Variants in FLT1 observed in about 807,000 individuals in gnomAD.
The protein encoded by FLT1 is fms related receptor tyrosine kinase 1.
FLT1 carries 49 observed loss-of-function variants against 156.3 expected under a neutral mutation model. The ratio of observed to expected loss-of-function variants is 0.31; its 90% CI spans 0.25 to 0.40. The LOEUF is 0.40. FLT1 is among the 10% of genes least tolerant of loss of function. The pLI is 1.00. For synonymous variants in FLT1, 594 were observed against 583.8 expected (o/e 1.02, Z -0.25); for missense variants, 1,322 against 1,637.2 (o/e 0.81, Z 3.32).
intron 25 of FLT1, among the ~76,000 whole-genome samples, chr13:28,312,854 C>G (rs990661242): frequency 6.6e-6 from 1 of 152,206 alleles, no homozygotes; most frequent in Non-Finnish European, 1.5e-5. Context: ...ACAGGTTGGG[C>G]TCCTGGATAA....
chr13:28,360,330 A>C (rs933168326), intron 14 of FLT1, among the ~76,000 whole-genome samples: 1 of 152,194 alleles, frequency 6.6e-6, no homozygotes, highest in Non-Finnish European at 1.5e-5. Flanking sequence ...CAATCCCACT[A>C]CTGGGTATCT....
At chr13:28,492,846 C>T (rs945782776) in intron 1 of FLT1, among the ~76,000 whole-genome samples, 21 of 151,986 alleles carry the variant, frequency 1.4e-4, no homozygotes, top group South Asian at 4.1e-4. Flanking sequence ...CCCATGATGC[C>T]GACTGAGCTA....
At chr13:28,413,200 T>C (rs1485144211) in intron 10 of FLT1, among the ~76,000 whole-genome samples, 1 of 152,078 alleles carries the variant, frequency 6.6e-6, no homozygotes, top group African/African-American at 2.4e-5. Flanking sequence ...CCACCTCTGT[T>C]TAGATAAGAG....
intron 10 of FLT1, among the ~76,000 whole-genome samples, chr13:28,412,307 C>CTCTTTCTTTCTTTCTTTT (rs1876255784): frequency 3.7e-5 from 2 of 53,564 alleles, no homozygotes; most frequent in South Asian, 8.6e-4. Context: ...TTTTCTCTTT[C>CTCTTTCTTTCTTTCTTTT]TCTTTCTTTC....
chr13:28,375,150 C>A (rs193301863), intron 14 of FLT1, among the ~76,000 whole-genome samples: 2 of 152,296 alleles, frequency 1.3e-5, no homozygotes, highest in Admixed American at 6.5e-5. Context: ...CATGTAGGTG[C>A]AAGACCTAAA....
chr13:28,306,785 G>T lies in FLT1; in HGVS notation c.3721-13C>A, dbSNP rs376636030. ...CGCCCTGGTAGTCCTAGGGGGAGAA[G>T]GAGAAAGGTTATACTCTTGCCTGGC... On this transcript the variant is annotated splice_polypyrimidine_tract_variant and intron_variant, in intron 28 of 29. Coordinates refer to ENST00000282397, the MANE Select transcript of FLT1 (RefSeq NM_002019.4). The T allele has an allele frequency of 1.1e-5, 17 of 1,590,160 alleles. No individual in the cohort carries two copies. Among genetic ancestry groups the T allele is most frequent in the Non-Finnish European group, 1.5e-5 (17 of 1,158,614 alleles).
At chr13:28,489,300 G>A (rs752317562) in intron 1 of FLT1, among the ~76,000 whole-genome samples, 3 of 152,184 alleles carry the variant, frequency 2.0e-5, no homozygotes, top group African/African-American at 4.8e-5. Context: ...TTGCTTCTGC[G>A]AAATGATAGT....
intron 13 of FLT1, chr13:28,389,138 G>A (rs1476659178): frequency 5.8e-6 from 6 of 1,037,256 alleles, no homozygotes; most frequent in East Asian, 1.0e-4. Context: ...AGATAAATGT[G>A]CTTAACGTAA....
intron 14 of FLT1, chr13:28,368,589 A>T: frequency 6.7e-7 from 1 of 1,501,794 alleles, no homozygotes; most frequent in South Asian, 1.2e-5. Context: ...TATGATGATG[A>T]TGATGATGAC....
At chr13:28,409,213 G>GT (rs796210986) in intron 10 of FLT1, among the ~76,000 whole-genome samples, 22 of 152,284 alleles carry the variant, frequency 1.4e-4, no homozygotes, top group African/African-American at 5.1e-4. Flanking sequence ...TGATTTTCTT[G>GT]TAACAGTGAT....
intron 3 of FLT1, among the ~76,000 whole-genome samples, chr13:28,441,669 A>C (rs2137567716): frequency 1.3e-5 from 2 of 152,334 alleles, no homozygotes; most frequent in East Asian, 3.9e-4. Context: ...AGCCAGGTGC[A>C]GTGGCTCACA....
In FLT1 at chr13:28,427,227, T is replaced by C; in HGVS notation, c.1368A>G (p.Ala456=). Residue 456 remains alanine, a synonymous_variant, in exon 10 of 30, where the codon GCA becomes GCG. Coordinates refer to ENST00000282397, the MANE Select transcript of FLT1 (RefSeq NM_002019.4). ...TGATTGTAGGTTGAGGGATACCATA[T>C]GCGGTACAAGTCAGGATTTGTCTGC... ...LGSRQILTCT[A]YGIPQPTIKW... is the part of the protein sequence containing the mutation. 6.2e-7 allele frequency: 1 copy of C among 1,614,084 alleles called. No homozygotes were observed. The highest frequency in any genetic ancestry group is 8.5e-7 in the Non-Finnish European group (1 of 1,179,924).
At chr13:28,431,899 T>C (rs1300510812) in intron 6 of FLT1, among the ~76,000 whole-genome samples, 1 of 132,408 alleles carries the variant, frequency 7.6e-6, no homozygotes, top group Admixed American at 7.1e-5. Context: ...TAAGGTGGAA[T>C]AATGCTATAG....
chr13:28,359,036 G>T (rs1412084854), intron 14 of FLT1, among the ~76,000 whole-genome samples: 3 of 152,082 alleles, frequency 2.0e-5, no homozygotes, highest in Non-Finnish European at 4.4e-5. Flanking sequence ...CAGACTATAG[G>T]CTGTATTTCA....
rs2137492223 is a variant in FLT1 at position 28,405,825 on chromosome 13, A to T, written c.1506T>A (p.Ile502=). The T allele has an allele frequency of 6.2e-7, 1 of 1,610,620 alleles. No homozygotes were observed. Among genetic ancestry groups the T allele is most frequent in the Non-Finnish European group, 8.5e-7 (1 of 1,177,494 alleles). ...LDADSNMGNR[I]ESITQRMAII... is the part of the protein sequence containing the mutation. ...TTGCCATGCGCTGAGTGATGCTCTC[A>T]ATTCTGTTTCCCATGTTGCTGTCAG... The change falls in exon 11 of 30, where the codon ATT becomes ATA. Residue 502 remains isoleucine (I), a synonymous_variant. Transcript: ENST00000282397.
chr13:28,311,315 C>T (rs9554319), intron 27 of FLT1, among the ~76,000 whole-genome samples: 104,427 of 152,090 alleles, frequency 0.69, 39,179 homozygotes, highest in East Asian at 1. Flanking sequence ...GCTATTATGC[C>T]TTAAGCCTCC....
At position 28,301,899 on chromosome 13, in the gene FLT1, C is replaced by A. The variant is rs3829380; in HGVS notation, c.*1268G>T. ...ATACCTTGCATAAATTACATACCAC[C>A]TTTTTACTCAAGGAGCTTAAAGTGC... is the stretch of plus-strand genomic sequence containing the variant. On this transcript the variant is annotated 3_prime_UTR_variant, in exon 30 of 30. Coordinates refer to ENST00000282397, the MANE Select transcript of FLT1 (RefSeq NM_002019.4). 27 of 233,566 alleles carry A rather than the reference C, an allele frequency of 1.2e-4. No individual in the cohort carries two copies. In the East Asian group the frequency reaches 1.6e-3, roughly 14 times the overall value. The allele number at this position is 233,566 out of a possible 1,614,324, so 14.5% of individuals were successfully genotyped here.
chr13:28,478,831 A>G (rs993886479), intron 1 of FLT1, among the ~76,000 whole-genome samples: 1 of 152,258 alleles, frequency 6.6e-6, no homozygotes, highest in Non-Finnish European at 1.5e-5. Flanking sequence ...TTCATGCCAG[A>G]AAAGCCAAAA....
intron 10 of FLT1, among the ~76,000 whole-genome samples, chr13:28,414,919 A>G: frequency 6.6e-6 from 1 of 152,128 alleles, no homozygotes; most frequent in East Asian, 1.9e-4. Context: ...CCCCTGACCT[A>G]AGCACTATGT....
Sources: allele counts gnomAD v4.1 joint callset (sites outside exome capture counted in the v4.1 genomes callset), GRCh38; gene constraint gnomAD v4.1.1; transcripts MANE v1.5; gene names NCBI Gene and HGNC (gene_info 2026-07-23, HGNC 2026-07-21).